Variants in HOXA3 observed in about 807,000 individuals in gnomAD.
HOXA3 encodes homeobox A3.
HOXA3 carries 8 observed loss-of-function variants against 30.3 expected under a neutral mutation model. The ratio of observed to expected loss-of-function variants is 0.26; its 90% CI spans 0.15 to 0.48. HOXA3 has a LOEUF of 0.48. Ranked by LOEUF, HOXA3 falls within the 20% of genes least tolerant of loss-of-function variation. HOXA3 has a pLI of 0.99. For missense variants in HOXA3, 653 were observed against 614.4 expected (o/e 1.06, Z -0.66); for synonymous variants, 323 against 273.1 (o/e 1.18, Z -1.80).
At chr7:27,138,035 T>C (rs1291727391) in intron 2 of HOXA3, among the ~76,000 whole-genome samples, 2 of 151,946 alleles carry the variant, frequency 1.3e-5, no homozygotes, top group African/African-American at 2.4e-5. Flanking sequence ...CATAACGCAA[T>C]ATTTTCCAAT....
chr7:27,150,129 T>C lies in HOXA3; in HGVS notation c.-494+2159A>G, dbSNP rs559478190. ...GGAATCTTTACATGTTAGCCAAGGC[T>C]AGTGCATATCATTTCTCCAACCAGA... On this transcript the variant is annotated intron_variant, in intron 1 of 5. Transcript: ENST00000612286. The C allele has an allele frequency of 1.7e-3, 16 of 9,448 alleles. 1 individual carries two copies. Among genetic ancestry groups the C allele is most frequent in the Non-Finnish European group, 2.7e-3 (11 of 4,130 alleles). 0.6% of individuals were successfully genotyped at this position (9,448 alleles called of 1,614,324 possible).
chr7:27,108,218 G>A lies in HOXA3; in HGVS notation c.1029C>T (p.Asp343=). The A allele has an allele frequency of 6.5e-7, 1 of 1,528,362 alleles. No individual in the cohort carries two copies. Among genetic ancestry groups the A allele is most frequent in the South Asian group, 1.3e-5 (1 of 78,384 alleles). The allele number at this position is 1,528,362 out of a possible 1,614,324, so 94.7% of individuals were successfully genotyped here. ...GAGAGGTPDY[D]PHAHGLQGNG... The stretch of plus-strand genomic sequence containing the variant: ...TGCCCTGCAGGCCATGAGCGTGCGG[G>A]TCATAGTCGGGGGTGCCCCCTGCGC... The change falls in exon 6 of 6, where the codon GAC becomes GAT. Residue 343 remains aspartate, a synonymous_variant. Coordinates refer to ENST00000612286, the MANE Select transcript of HOXA3 (RefSeq NM_153631.3). This position sits in a 1 kb window ranked among gnomAD's most constrained non-coding sequence, Gnocchi z 5.0.
chr7:27,118,959 G>A (rs1784874789), intron 4 of HOXA3, among the ~76,000 whole-genome samples: 1 of 152,208 alleles, frequency 6.6e-6, no homozygotes, highest in African/African-American at 2.4e-5. Flanking sequence ...TTCAGTGGGA[G>A]CCCACTAGGA....
chr7:27,146,887 A>C (rs1782787530), intron 1 of HOXA3, among the ~76,000 whole-genome samples: 1 of 152,326 alleles, frequency 6.6e-6, no homozygotes, highest in South Asian at 2.1e-4. Context: ...GGGTTTCTGA[A>C]GGGCAGAAAG....
rs1168519131 is a variant in HOXA3 at position 27,147,235 on chromosome 7, C to G, written c.-494+5053G>C. The G allele has an allele frequency of 2.9e-6, 4 of 1,367,072 alleles. No homozygotes were observed. In the African/African-American group the frequency reaches 5.8e-5, roughly 20 times the overall value. The allele number at this position is 1,367,072 out of a possible 1,614,324, so 84.7% of individuals were successfully genotyped here. A position where few individuals can be genotyped will look rare whatever the true frequency, so the allele number is the denominator to read the frequency against. On this transcript the variant is annotated intron_variant, in intron 1 of 5. Coordinates refer to ENST00000612286, the MANE Select transcript of HOXA3 (RefSeq NM_153631.3). ...CTTTCTCTCTATTCCTCTTTCTACT[C>G]TGTTTCCTCCTTCTTTCTTTCTTTT...
chr7:27,113,893 C>T lies in HOXA3; in HGVS notation c.-120-3133G>A, dbSNP rs1160483192. ...CCACCCCACCCACCCACCCCTCCCCCACACCCCCGCCCCCTGCCCTTCCCG... is the reference window on the plus strand; with the variant it reads ...CCACCCCACCCACCCACCCCTCCCCTACACCCCCGCCCCCTGCCCTTCCCG... On this transcript the variant is annotated intron_variant, in intron 4 of 5. Coordinates refer to ENST00000612286, the MANE Select transcript of HOXA3 (RefSeq NM_153631.3). The surrounding 1 kb of genome is among the most constrained non-coding windows in gnomAD (Gnocchi z 4.8). 6.6e-6 allele frequency: 1 copy of T among 150,730 alleles called. No homozygotes were observed. Among genetic ancestry groups the T allele is most frequent in the Non-Finnish European group, 1.5e-5 (1 of 67,198 alleles). 9.3% of individuals were successfully genotyped at this position (150,730 alleles called of 1,614,324 possible). A position where few individuals can be genotyped will look rare whatever the true frequency, so the allele number is the denominator to read the frequency against.
chr7:27,117,952 AC>A, intron 4 of HOXA3, among the ~76,000 whole-genome samples: 1 of 149,830 alleles, frequency 6.7e-6, no homozygotes, highest in Non-Finnish European at 1.5e-5. Flanking sequence ...CCTCCTTTAC[AC>A]CCCCAACACT....
At chr7:27,142,927 C>G (rs1436145283) in intron 1 of HOXA3, 4 of 942,152 alleles carry the variant, frequency 4.2e-6, no homozygotes, top group Admixed American at 2.7e-5. Flanking sequence ...GCAAGGAGAG[C>G]TCCGCAGGGC....
rs1784277085 is a variant in HOXA3 at position 27,110,146 on chromosome 7, G to A, written c.495C>T (p.Asn165=). 1 of 1,614,220 alleles carries A rather than the reference G, an allele frequency of 6.2e-7. No individual in the cohort carries two copies. The highest frequency in any genetic ancestry group is 2.2e-5 in the East Asian group (1 of 44,880). ...IFPWMKESRQ[N]TKQKTSSSSS... is the part of the protein sequence containing the mutation. ...TGGAGCTGCTGGTTTTCTGCTTTGT[G>A]TTTTGTCGAGACTCTTTCATCCAGG... Residue 165 remains asparagine (N), a synonymous_variant, in exon 5 of 6, where the codon AAC becomes AAT. Coordinates refer to ENST00000612286, the MANE Select transcript of HOXA3 (RefSeq NM_153631.3).
chr7:27,133,137 C>T lies in HOXA3; in HGVS notation c.-389-6067G>A, dbSNP rs537570399. 5.3e-5 allele frequency among the ~76,000 whole-genome samples: 8 copies of T among 152,098 alleles called. No individual in the cohort carries two copies. In the South Asian group the frequency reaches 1.0e-3, roughly 20 times the overall value. ...TTGTGGTTCGTATCATAAACACAAA[C>T]GGAGCCAGGACCACCAAGTGTTATC... On this transcript the variant is annotated intron_variant, in intron 2 of 5. Coordinates refer to ENST00000612286, the MANE Select transcript of HOXA3 (RefSeq NM_153631.3).
At chr7:27,120,595 G>A (rs1215846271) in intron 4 of HOXA3, among the ~76,000 whole-genome samples, 1 of 147,858 alleles carries the variant, frequency 6.8e-6, no homozygotes, top group African/African-American at 2.5e-5. Flanking sequence ...TACTGCTTCA[G>A]AGAAATGCCT....
intron 4 of HOXA3, among the ~76,000 whole-genome samples, chr7:27,120,348 C>G (rs946785498): frequency 1.1e-4 from 17 of 152,104 alleles, no homozygotes; most frequent in African/African-American, 4.1e-4. Context: ...CGAGACCAGC[C>G]TGAACAACAT....
chr7:27,127,242 C>A (rs17471860), intron 2 of HOXA3, among the ~76,000 whole-genome samples, 172 bp from the exon 3 acceptor site: 15,276 of 152,168 alleles, frequency 0.1, 1,019 homozygotes, highest in African/African-American at 0.19. Context: ...CCCGTTCACA[C>A]CTTATAAAAT....
chr7:27,108,264 C>T lies in HOXA3; in HGVS notation c.983G>A (p.Arg328His). The change falls in exon 6 of 6, where the codon CGC becomes CAC. Residue 328 changes from arginine to histidine, a missense_variant. By Grantham distance (29) the Arg-to-His change is conservative. Transcript: ENST00000612286. The surrounding 1 kb of genome is among the most constrained non-coding windows in gnomAD (Gnocchi z 5.0). Reference protein sequence around the residue: ...SCAPPPPPQKRYTAAGAGAGG... With the variant: ...SCAPPPPPQKHYTAAGAGAGG... ...TGCGCCCGCCCCTGCCGCCGTGTAGCGCTTCTGTGGGGGTGGCGGGGGTGC... is the reference window on the plus strand; with the variant it reads ...TGCGCCCGCCCCTGCCGCCGTGTAGTGCTTCTGTGGGGGTGGCGGGGGTGC... 1 of 1,520,604 alleles carries T rather than the reference C, an allele frequency of 6.6e-7. No individual in the cohort carries two copies. The highest frequency in any genetic ancestry group is 8.8e-7 in the Non-Finnish European group (1 of 1,134,504). The allele number at this position is 1,520,604 out of a possible 1,614,324, so 94.2% of individuals were successfully genotyped here.
intron 1 of HOXA3, chr7:27,151,591 C>G (rs1040368874): frequency 2.2e-6 from 1 of 456,666 alleles, no homozygotes; most frequent in African/African-American, 2.0e-5. Flanking sequence ...ACCCACGCAC[C>G]TATTCCCCCT....
intron 4 of HOXA3, among the ~76,000 whole-genome samples, chr7:27,119,285 A>G (rs938378805): frequency 3.3e-5 from 5 of 152,010 alleles, no homozygotes; most frequent in Non-Finnish European, 4.4e-5. Flanking sequence ...TTCTGTGTCC[A>G]CCAGCAAATT....
chr7:27,146,038 C>G (rs933021335), intron 1 of HOXA3: 1 of 1,158,206 alleles, frequency 8.6e-7, no homozygotes, highest in Non-Finnish European at 1.2e-6. Context: ...TCCAGCCTCT[C>G]CCACTATGTC....
chr7:27,134,492 G>A lies in HOXA3; in HGVS notation c.-390+5591C>T, dbSNP rs557850899. On this transcript the variant is annotated intron_variant, in intron 2 of 5. Coordinates refer to ENST00000612286, the MANE Select transcript of HOXA3 (RefSeq NM_153631.3). ...GTTTTTGAAGCTGACATGTCTATAA[G>A]GTGTGTCACATGTTTTTAACCAAAA... 4.6e-5 allele frequency among the ~76,000 whole-genome samples: 7 copies of A among 152,316 alleles called. No homozygotes were observed. The East Asian group carries it at 7.7e-4, about 17-fold the overall frequency.
chr7:27,115,198 G>C (rs554126778), intron 4 of HOXA3: 19 of 152,036 alleles, frequency 1.2e-4, no homozygotes, highest in African/African-American at 4.3e-4. Flanking sequence ...ACAAAGCCAG[G>C]GGAAAAGGGA....
Sources: gnomAD v4.1 joint callset for allele counts (sites outside exome capture counted in the v4.1 genomes callset) on GRCh38, gnomAD v4.1.1 for gene constraint, Gnocchi (gnomAD v3.1) non-coding constraint, MANE v1.5 for transcripts, NCBI Gene and HGNC (gene_info 2026-07-23, HGNC 2026-07-21) for gene names.